Variants in RARB observed in about 807,000 individuals in gnomAD.
RARB encodes the protein retinoic acid receptor beta.
In RARB, 17 loss-of-function variants were observed where a neutral mutation model predicts 51.9. That is an observed-to-expected ratio of 0.33 (90% CI 0.22 to 0.49). RARB has a LOEUF of 0.49. Among genes scored for constraint, RARB ranks in the 20% least tolerant of loss-of-function variants. The pLI is 0.99. For missense variants in RARB, 369 were observed against 550.8 expected, an observed-to-expected ratio of 0.67 and a Z score of 3.30; for synonymous variants, 215 against 195.4, an observed-to-expected ratio of 1.10 and a Z score of -0.84.
Position 24,927,203 on chromosome 3 carries a change from G to A in RARB, c.-380+68451G>A, listed in dbSNP as rs151089670. ...GTTATTCAGTAAAACTCGTAGATTT[G>A]CATTACAAAATTAGAAAAAAGTAAA... On this transcript the variant is annotated intron_variant, in intron 2 of 11. Coordinates refer to the RARB transcript ENST00000383772. Among the ~76,000 whole-genome samples, 726 of 152,062 alleles carry A rather than the reference G, an allele frequency of 4.8e-3. 6 individuals are homozygous for A. Among genetic ancestry groups the A allele is most frequent in the African/African-American group, 0.016 (661 of 41,498 alleles).
chr3:25,116,674 T>C (rs1419433029), intron 3 of RARB, among the ~76,000 whole-genome samples: 3 of 152,080 alleles, frequency 2.0e-5, no homozygotes, highest in African/African-American at 7.2e-5. Context: ...CCATTGACTT[T>C]GGTAAGTAAA....
Position 25,131,238 on chromosome 3 carries a change from A to G in RARB, c.-327-923A>G, listed in dbSNP as rs548066663. 5.3e-5 allele frequency among the ~76,000 whole-genome samples: 8 copies of G among 152,064 alleles called. No individual in the cohort carries two copies. The South Asian group carries it at 1.5e-3, about 28-fold the overall frequency. The stretch of plus-strand genomic sequence containing the variant: ...AGGCAAAATTCACAAGCTTAGAGCC[A>G]AGGACAACATGACTCAGTTAAGGTT... On this transcript the variant is annotated intron_variant, in intron 3 of 11. Coordinates refer to the RARB transcript ENST00000383772.
At chr3:24,995,653 A>G (rs1279450407) in intron 2 of RARB, among the ~76,000 whole-genome samples, 1 of 151,966 alleles carries the variant, frequency 6.6e-6, no homozygotes, top group East Asian at 1.9e-4. Flanking sequence ...TCCATCCCTA[A>G]TTTGTTAAGA....
intron 5 of RARB, among the ~76,000 whole-genome samples, chr3:25,233,521 GTA>G (rs1303435330): frequency 6.6e-6 from 1 of 151,984 alleles, no homozygotes; most frequent in Non-Finnish European, 1.5e-5. Context: ...CTTCTAATCT[GTA>G]TGTCTTTTAT....
intron 5 of RARB, among the ~76,000 whole-genome samples, chr3:25,218,433 T>C (rs529240949): frequency 6.6e-6 from 1 of 152,230 alleles, no homozygotes; most frequent in South Asian, 2.1e-4. Flanking sequence ...TTTTCACTTG[T>C]GAAAAGTGTC....
At chr3:24,919,250 G>A (rs2125385602) in intron 2 of RARB, among the ~76,000 whole-genome samples, 1 of 152,272 alleles carries the variant, frequency 6.6e-6, no homozygotes, top group South Asian at 2.1e-4. Context: ...AACCTTCTAT[G>A]ACTGTACTTG....
chr3:25,484,086 T>C (rs916389839), intron 2 of RARB, among the ~76,000 whole-genome samples: 2 of 152,248 alleles, frequency 1.3e-5, no homozygotes, highest in Non-Finnish European at 2.9e-5. Flanking sequence ...TAAAAACTCC[T>C]GCTCTTTAGA....
chr3:25,010,264 T>G (rs1697365785), intron 2 of RARB, among the ~76,000 whole-genome samples: 1 of 152,068 alleles, frequency 6.6e-6, no homozygotes, highest in South Asian at 2.1e-4. Flanking sequence ...TTTCCAAACT[T>G]AAATTTAAAA....
chr3:24,902,984 AG>A (rs1366699425), intron 2 of RARB, among the ~76,000 whole-genome samples: 5 of 152,174 alleles, frequency 3.3e-5, no homozygotes, highest in Non-Finnish European at 7.4e-5. Context: ...ATATATTGAG[AG>A]AAACAAGACG....
In RARB at chr3:25,237,831, A is replaced by C. The variant is rs376656722; in HGVS notation, c.178+63256A>C. 1.4e-3 allele frequency among the ~76,000 whole-genome samples: 207 copies of C among 152,284 alleles called. 1 individual carries two copies. The highest frequency in any genetic ancestry group is 4.6e-3 in the African/African-American group (193 of 41,572). On this transcript the variant is annotated intron_variant, in intron 5 of 11. Transcript: ENST00000383772. The stretch of plus-strand genomic sequence containing the variant: ...TACTTTTGCACCAACCCTATTTTGG[A>C]TACCTCATATATATGAAATCATACA...
At chr3:25,306,350 C>G (rs1575298804) in intron 5 of RARB, among the ~76,000 whole-genome samples, 1 of 152,104 alleles carries the variant, frequency 6.6e-6, no homozygotes, top group South Asian at 2.1e-4. Flanking sequence ...GTGAATGGAA[C>G]CTGTAATAGG....
At chr3:24,865,582 G>A (rs920797193) in intron 2 of RARB, among the ~76,000 whole-genome samples, 2 of 152,086 alleles carry the variant, frequency 1.3e-5, no homozygotes, top group African/African-American at 4.8e-5. Context: ...GTCTCACGTA[G>A]CCCTCTTCCA....
intron 2 of RARB, among the ~76,000 whole-genome samples, chr3:24,906,844 CAAAAAAA>C (rs397875286): frequency 4.9e-3 from 372 of 75,992 alleles, no homozygotes; most frequent in African/African-American, 0.016. Context: ...GATTCCGTCT[CAAAAAAA>C]AAAAAAAAAA....
intron 5 of RARB, among the ~76,000 whole-genome samples, chr3:25,300,489 C>G (rs935416973): frequency 2.6e-5 from 4 of 152,162 alleles, no homozygotes; most frequent in African/African-American, 9.7e-5. Flanking sequence ...ATTGAAGAGG[C>G]ACAGGGACAG....
At chr3:25,392,878 A>G (rs1707006200) in intron 5 of RARB, among the ~76,000 whole-genome samples, 1 of 151,988 alleles carries the variant, frequency 6.6e-6, no homozygotes, top group African/African-American at 2.4e-5. Context: ...GATGCCCTTT[A>G]TTTCTTTCTC....
intron 2 of RARB, among the ~76,000 whole-genome samples, chr3:24,907,641 G>C (rs1694894984): frequency 6.6e-6 from 1 of 152,038 alleles, no homozygotes; most frequent in African/African-American, 2.4e-5. Flanking sequence ...TGTGTAGTCA[G>C]CTTACTTAAG....
intron 5 of RARB, among the ~76,000 whole-genome samples, chr3:25,581,159 G>A (rs998157736): frequency 6.6e-6 from 1 of 152,158 alleles, no homozygotes; most frequent in African/African-American, 2.4e-5. Context: ...CACCACACAC[G>A]GGGACCTCTC....
intron 5 of RARB, among the ~76,000 whole-genome samples, chr3:25,182,341 T>G (rs992041055): frequency 6.6e-6 from 1 of 152,196 alleles, no homozygotes; most frequent in African/African-American, 2.4e-5. Flanking sequence ...CCAGCAATTA[T>G]GCCAGCCATG....
At chr3:25,226,626 A>G (rs1194679604) in intron 5 of RARB, among the ~76,000 whole-genome samples, 1 of 152,176 alleles carries the variant, frequency 6.6e-6, no homozygotes, top group Non-Finnish European at 1.5e-5. Flanking sequence ...ATTTGATTTT[A>G]CACTCAACTT....
Sources: allele counts gnomAD v4.1 joint callset (sites outside exome capture counted in the v4.1 genomes callset), GRCh38; gene constraint gnomAD v4.1.1; transcripts MANE v1.5; gene names NCBI Gene and HGNC (gene_info 2026-07-23, HGNC 2026-07-21).